Variants in FGF13 observed in about 807,000 individuals in gnomAD.
FGF13 encodes the protein fibroblast growth factor homologous factor 2.
In FGF13, 2 loss-of-function variants were observed where a neutral mutation model predicts 19.5. The ratio of observed to expected loss-of-function variants is 0.10; its 90% confidence interval spans 0.04 to 0.32. FGF13 has a LOEUF of 0.32. FGF13 is among the 10% of genes least tolerant of loss of function. FGF13 has a pLI of 1.00. For synonymous variants in FGF13, 72 were observed against 76.9 expected (o/e 0.94, Z 0.33); for missense variants, 113 against 192.7 (o/e 0.59, Z 2.45).
chrX:138,776,622 C>G (rs2090589561), intron 3 of FGF13, among the ~76,000 whole-genome samples: 1 of 112,187 alleles, frequency 8.9e-6, no homozygotes, highest in Non-Finnish European at 1.9e-5. Flanking sequence ...CTCTGTTTCA[C>G]AGGAAAGTAA....
intron 1 of FGF13, among the ~76,000 whole-genome samples, chrX:138,884,651 C>G: frequency 8.9e-6 from 1 of 111,819 alleles, no homozygotes; most frequent in Non-Finnish European, 1.9e-5. Flanking sequence ...TGAGAAATAT[C>G]ATCAATTAAA....
At chrX:139,133,061 A>C (rs1189663506) in intron 1 of FGF13, among the ~76,000 whole-genome samples, 1 of 111,504 alleles carries the variant, frequency 9.0e-6, no homozygotes, top group Non-Finnish European at 1.9e-5. Context: ...AGGTTACACA[A>C]AGGATTTCTT....
chrX:138,727,152 A>G (rs2090191806), intron 1 of FGF13, among the ~76,000 whole-genome samples: 1 of 108,560 alleles, frequency 9.2e-6, no homozygotes, highest in Non-Finnish European at 1.9e-5. Flanking sequence ...AAGGAATAAG[A>G]TTCATTTTTT....
intron 1 of FGF13, among the ~76,000 whole-genome samples, chrX:139,189,264 TA>T (rs1569462717): frequency 9.0e-6 from 1 of 111,509 alleles, no homozygotes; most frequent in Non-Finnish European, 1.9e-5. Flanking sequence ...TTAATAATCT[TA>T]GACTAAAGAC....
At chrX:139,186,502 C>CA (rs2084284444) in intron 1 of FGF13, among the ~76,000 whole-genome samples, 1 of 111,796 alleles carries the variant, frequency 8.9e-6, no homozygotes, top group Non-Finnish European at 1.9e-5. Context: ...CCTAGCCAGA[C>CA]AGAGTTTTTA....
At chrX:139,040,018 T>C (rs1350701118) in intron 1 of FGF13, among the ~76,000 whole-genome samples, 3 of 112,410 alleles carry the variant, frequency 2.7e-5, no homozygotes, top group Non-Finnish European at 5.6e-5. Flanking sequence ...GTTTGTTTAA[T>C]AGTATGGCCT....
intron 1 of FGF13, among the ~76,000 whole-genome samples, chrX:138,994,936 T>A (rs868441417): frequency 1.9e-4 from 20 of 106,906 alleles, no homozygotes; most frequent in African/African-American, 6.9e-4. Context: ...AAGGCTCCAC[T>A]GCTTGTCCCA....
At chrX:138,957,701 G>T (rs1045775131) in intron 1 of FGF13, among the ~76,000 whole-genome samples, 1 of 111,451 alleles carries the variant, frequency 9.0e-6, no homozygotes, top group East Asian at 2.8e-4. Flanking sequence ...ATTGAGCAGG[G>T]GTTTGTAGTT....
intron 1 of FGF13, among the ~76,000 whole-genome samples, chrX:138,730,428 T>C (rs2090220601): frequency 9.0e-6 from 1 of 110,840 alleles, no homozygotes; most frequent in Non-Finnish European, 1.9e-5. Flanking sequence ...TAATGAGAGG[T>C]TTATAGCACA....
At chrX:138,675,398 T>C (rs778263984) in intron 3 of FGF13, among the ~76,000 whole-genome samples, 1 of 112,074 alleles carries the variant, frequency 8.9e-6, no homozygotes, top group East Asian at 2.8e-4. Flanking sequence ...GGAATCTAGA[T>C]CTTTGACATT....
intron 1 of FGF13, among the ~76,000 whole-genome samples, chrX:139,094,628 T>A (rs1464283803): frequency 8.9e-6 from 1 of 112,628 alleles, no homozygotes; most frequent in East Asian, 2.8e-4. Context: ...TTACAAAATA[T>A]GTTTTCAGTC....
intron 1 of FGF13, among the ~76,000 whole-genome samples, chrX:138,892,002 A>ATATATGTATGTGTG (rs756839627): frequency 1.1e-5 from 1 of 90,369 alleles, no homozygotes; most frequent in African/African-American, 4.2e-5. Flanking sequence ...ATATATACAT[A>ATATATGTATGTGTG]TGTGTGTGTG....
intron 3 of FGF13, among the ~76,000 whole-genome samples, chrX:138,649,728 GCTATT>G (rs1332231629): frequency 1.8e-5 from 2 of 112,279 alleles, no homozygotes; most frequent in Non-Finnish European, 3.8e-5. Context: ...GATGAGCCTA[GCTATT>G]CTATTCTGTT....
At chrX:138,674,680 G>A (rs1032458676) in intron 3 of FGF13, among the ~76,000 whole-genome samples, 1 of 110,904 alleles carries the variant, frequency 9.0e-6, no homozygotes. Context: ...TGTAAATGTA[G>A]AAGGTAACAG....
At chrX:139,073,801 T>C (rs2092384451) in intron 1 of FGF13, among the ~76,000 whole-genome samples, 1 of 112,573 alleles carries the variant, frequency 8.9e-6, no homozygotes, top group African/African-American at 3.2e-5. Context: ...AATAGAAATC[T>C]TCACTCACAG....
intron 3 of FGF13, among the ~76,000 whole-genome samples, chrX:138,683,298 G>A (rs1313234335): frequency 9.1e-6 from 1 of 110,390 alleles, no homozygotes; most frequent in Non-Finnish European, 1.9e-5. Flanking sequence ...TGAAGATGGG[G>A]ATTATCGGTC....
intron 3 of FGF13, among the ~76,000 whole-genome samples, chrX:138,750,463 G>T (rs1178127900): frequency 1.8e-5 from 2 of 110,687 alleles, no homozygotes; most frequent in Non-Finnish European, 3.8e-5. Context: ...GTGCTTGTTT[G>T]TTACATGGGT....
At chrX:139,011,365 A>C (rs2367394) in intron 1 of FGF13, among the ~76,000 whole-genome samples, 33 of 11,543 alleles carry the variant, frequency 2.9e-3, no homozygotes, top group Admixed American at 5.0e-3. Flanking sequence ...AACAAACAAA[A>C]AAAAAAAAAA....
At chrX:139,033,027 C>CA (rs758766077) in intron 1 of FGF13, among the ~76,000 whole-genome samples, 6,732 of 27,210 alleles carry the variant, frequency 0.25, 2,063 homozygotes, top group Non-Finnish European at 0.33. Flanking sequence ...TCTGATTATC[C>CA]AAAAAAAAAA....
Sources: gnomAD v4.1 joint callset for allele counts (sites outside exome capture counted in the v4.1 genomes callset) on GRCh38, gnomAD v4.1.1 for gene constraint, MANE v1.5 for transcripts, NCBI Gene and HGNC (gene_info 2026-07-23, HGNC 2026-07-21) for gene names.